The following IMPACT variants were observed in gnomAD, a reference collection of about 807,000 sequenced individuals.
IMPACT encodes protein IMPACT.
In IMPACT, 35 loss-of-function variants were observed where a neutral mutation model predicts 47.5. That is an observed-to-expected ratio of 0.74 (90% CI 0.56 to 0.98). The LOEUF is 0.98. Ranked by LOEUF, IMPACT falls within the 50% of genes least tolerant of loss-of-function variation. IMPACT has a pLI of 0.00. For missense variants in IMPACT, 373 were observed against 394.8 expected (o/e 0.94, Z 0.47); for synonymous variants, 118 against 125.6 (o/e 0.94, Z 0.40).
chr18:24,438,655 C>G (rs919762531), intron 5 of IMPACT, among the ~76,000 whole-genome samples: 1 of 152,106 alleles, frequency 6.6e-6, no homozygotes, highest in African/African-American at 2.4e-5. Flanking sequence ...TTTCTACAGA[C>G]GAGGTCTCCC....
At chr18:24,448,621 C>A (rs1436261035) in intron 9 of IMPACT, among the ~76,000 whole-genome samples, 1 of 151,338 alleles carries the variant, frequency 6.6e-6, no homozygotes, top group Non-Finnish European at 1.5e-5. Context: ...TCCAAAATTT[C>A]TGTTGAATTT....
At chr18:24,440,855 A>C (rs1469734668) in intron 6 of IMPACT, among the ~76,000 whole-genome samples, 1 of 152,160 alleles carries the variant, frequency 6.6e-6, no homozygotes, top group Non-Finnish European at 1.5e-5. Context: ...TAGAGTTTTG[A>C]TTTAGTGATG....
At chr18:24,450,397 C>T (rs1449222934) in intron 10 of IMPACT, among the ~76,000 whole-genome samples, 3 of 152,044 alleles carry the variant, frequency 2.0e-5, no homozygotes, top group Non-Finnish European at 4.4e-5. Context: ...ATGCTTTCTT[C>T]CTTTATACTT....
In IMPACT at chr18:24,450,890, A is replaced by G. The variant is rs1909367941; in HGVS notation, c.*43A>G. ...AAGGTTAATTTGCCTATAATTATAT[A>G]TACATTCCATAGTCATCAAGGAATA... is the stretch of plus-strand genomic sequence containing the variant. On this transcript the variant is annotated 3_prime_UTR_variant, in exon 11 of 11. Coordinates refer to ENST00000284202, the MANE Select transcript of IMPACT (RefSeq NM_018439.4). The G allele has an allele frequency of 8.8e-7, 1 of 1,140,936 alleles. No homozygotes were observed. The highest frequency in any genetic ancestry group is 1.3e-6 in the Non-Finnish European group (1 of 759,976). 70.7% of individuals were successfully genotyped at this position (1,140,936 alleles called of 1,614,324 possible).
At chr18:24,434,795 ATGTGTGTGTGTGTG>A (rs71994854) in intron 4 of IMPACT, among the ~76,000 whole-genome samples, 5 of 67,576 alleles carry the variant, frequency 7.4e-5, no homozygotes, top group East Asian at 3.9e-4. Flanking sequence ...ATATATATAT[ATGTGTGTGTGTGTG>A]TATATATATG....
Position 24,453,188 on chromosome 18 carries a change from G to A in IMPACT, c.*2341G>A, listed in dbSNP as rs909935811. 8.5e-5 allele frequency: 13 copies of A among 152,278 alleles called. No individual in the cohort carries two copies. Among genetic ancestry groups the A allele is most frequent in the Admixed American group, 2.6e-4 (4 of 15,298 alleles). The allele number at this position is 152,278 out of a possible 1,614,324, so 9.4% of individuals were successfully genotyped here. ...AAGCTGCATCAAAAGTATGCTTTGA[G>A]GTATATATAGTGAAACAGAGCCTTT... On this transcript the variant is annotated 3_prime_UTR_variant, in exon 11 of 11. Coordinates refer to ENST00000284202, the MANE Select transcript of IMPACT (RefSeq NM_018439.4).
intron 7 of IMPACT, among the ~76,000 whole-genome samples, chr18:24,444,002 G>A (rs1358151940): frequency 6.6e-6 from 1 of 152,144 alleles, no homozygotes; most frequent in Non-Finnish European, 1.5e-5. Context: ...TACTCTTGAA[G>A]CTCTTTAAAG....
chr18:24,432,614 C>T (rs1270332378), intron 4 of IMPACT, among the ~76,000 whole-genome samples: 1 of 152,124 alleles, frequency 6.6e-6, no homozygotes, highest in Non-Finnish European at 1.5e-5. Flanking sequence ...TCTGATATCT[C>T]TCCCTAACAT....
intron 4 of IMPACT, among the ~76,000 whole-genome samples, chr18:24,437,197 T>G (rs1908971188): frequency 6.6e-6 from 1 of 152,204 alleles, no homozygotes; most frequent in African/African-American, 2.4e-5. Flanking sequence ...GTGATATCTT[T>G]AAACACATAC....
rs1414891962 is a variant in IMPACT, at chr18:24,437,857, G to A, written c.282-98G>A. On this transcript the variant is annotated intron_variant, in intron 4 of 10. Transcript: ENST00000284202. ...ATTTTAAAAAAGAAATGGTTAGATT[G>A]TTTATAATGTCTTGGATTGCAAATG... 2.7e-5 allele frequency: 18 copies of A among 671,622 alleles called. No homozygotes were observed. The African/African-American group carries it at 3.2e-4, about 12-fold the overall frequency. The allele number at this position is 671,622 out of a possible 1,614,324, so 41.6% of individuals were successfully genotyped here.
intron 9 of IMPACT, among the ~76,000 whole-genome samples, chr18:24,448,833 G>T (rs1160058251): frequency 6.6e-6 from 1 of 151,792 alleles, no homozygotes; most frequent in African/African-American, 2.4e-5. Flanking sequence ...TGTTTATCTT[G>T]TCCTTTCTCT....
rs761430925 is a variant in IMPACT, at chr18:24,438,055, T to C, written c.367+15T>C. ...GACAGAACCAGGTAGGATTGAAAAATACTATCAATACTCTTTTAACTTATA... is the reference window on the plus strand; with the variant it reads ...GACAGAACCAGGTAGGATTGAAAAACACTATCAATACTCTTTTAACTTATA... On this transcript the variant is annotated intron_variant, in intron 5 of 10. Transcript: ENST00000284202. 1 of 1,097,758 alleles carries C rather than the reference T, an allele frequency of 9.1e-7. No individual in the cohort carries two copies. The highest frequency in any genetic ancestry group is 1.4e-6 in the Non-Finnish European group (1 of 733,484). The allele number at this position is 1,097,758 out of a possible 1,614,324, so 68.0% of individuals were successfully genotyped here. A position where few individuals can be genotyped will look rare whatever the true frequency, so the allele number is the denominator to read the frequency against.
chr18:24,450,631 A>C, intron 10 of IMPACT, 148 bp from the exon 11 acceptor site: 3 of 479,366 alleles, frequency 6.3e-6, no homozygotes, highest in Non-Finnish European at 1.1e-5. Flanking sequence ...AAAAGTGATT[A>C]TACCCTCACT....
chr18:24,435,328 T>C (rs1908899178), intron 4 of IMPACT: 3 of 152,186 alleles, frequency 2.0e-5, no homozygotes, highest in Non-Finnish European at 4.4e-5. Flanking sequence ...AAATAACTTT[T>C]GATAAAACAA....
chr18:24,445,611 T>C (rs1909231138), intron 8 of IMPACT, 145 bp downstream of exon 8: 2 of 454,590 alleles, frequency 4.4e-6, no homozygotes, highest in African/African-American at 2.0e-5. Flanking sequence ...GCAGAAAAGA[T>C]AAAAAAGAAT....
At chr18:24,449,676 A>G (rs1909329374) in intron 9 of IMPACT, 143 bp from the exon 10 acceptor site, 3 of 643,042 alleles carry the variant, frequency 4.7e-6, no homozygotes, top group Non-Finnish European at 2.7e-6. Context: ...CTCAGTGCCT[A>G]CTCACTCATA....
At chr18:24,429,250 T>C (rs1043127537) in intron 3 of IMPACT, among the ~76,000 whole-genome samples, 2 of 152,200 alleles carry the variant, frequency 1.3e-5, no homozygotes, top group Admixed American at 1.3e-4. Context: ...CTAGATCTCC[T>C]GACCTAGCCA....
chr18:24,440,509 G>A lies in IMPACT; in HGVS notation c.381G>A (p.Lys127=), dbSNP rs1282051525. ...SQMTEPGPDV[K]KKTEEEDVEC... ...ATATTCACATAGGCCCAGATGTAAA[G>A]AAGAAAACTGAAGAGGAAGATGTTG... The change falls in exon 6 of 11, where the codon AAG becomes AAA. Residue 127 remains lysine (K), a synonymous_variant. Coordinates refer to ENST00000284202, the MANE Select transcript of IMPACT (RefSeq NM_018439.4). 6.2e-7 allele frequency: 1 copy of A among 1,612,752 alleles called. No homozygotes were observed. Among genetic ancestry groups the A allele is most frequent in the Non-Finnish European group, 8.5e-7 (1 of 1,179,368 alleles).
intron 6 of IMPACT, among the ~76,000 whole-genome samples, chr18:24,441,891 G>C (rs1909123994): frequency 6.6e-6 from 1 of 152,036 alleles, no homozygotes; most frequent in African/African-American, 2.4e-5. Flanking sequence ...AAAAGAAAAA[G>C]GATAAAAATC....
Sources: allele counts gnomAD v4.1 joint callset (sites outside exome capture counted in the v4.1 genomes callset), GRCh38; gene constraint gnomAD v4.1.1; transcripts MANE v1.5; gene names NCBI Gene and HGNC (gene_info 2026-07-23, HGNC 2026-07-21).